Variants in LRRN2 observed in about 807,000 individuals in gnomAD.
LRRN2 encodes leucine rich repeat neuronal 2.
A neutral mutation model predicts 35.7 loss-of-function variants in LRRN2; 10 were observed. That is an observed-to-expected ratio of 0.28 (90% confidence interval 0.17 to 0.47). LRRN2 has a LOEUF of 0.47. Among genes scored for constraint, LRRN2 ranks in the 20% least tolerant of loss-of-function variants. LRRN2 has a pLI of 0.99. For synonymous variants in LRRN2, 391 were observed against 409.6 expected (o/e 0.95, Z 0.55); for missense variants, 731 against 940.3 (o/e 0.78, Z 2.91).
At chr1:204,635,609 C>T (rs893327471) in intron 1 of LRRN2, among the ~76,000 whole-genome samples, 3 of 152,218 alleles carry the variant, frequency 2.0e-5, no homozygotes, top group Non-Finnish European at 4.4e-5. Context: ...GCTGGTATCC[C>T]AAACCCGGCT....
At chr1:204,645,948 T>A (rs962398048) in intron 1 of LRRN2, among the ~76,000 whole-genome samples, 27 of 152,244 alleles carry the variant, frequency 1.8e-4, no homozygotes, top group African/African-American at 6.3e-4. Context: ...AAGGTGATAT[T>A]TGGGTGGGGA....
At chr1:204,655,435 G>A (rs1668326643) in intron 1 of LRRN2, among the ~76,000 whole-genome samples, 2 of 151,474 alleles carry the variant, frequency 1.3e-5, no homozygotes, top group Admixed American at 6.6e-5. Context: ...CTACTGGCAT[G>A]TGCCACCATG....
chr1:204,683,705 T>C (rs1486838934), intron 1 of LRRN2, among the ~76,000 whole-genome samples: 1 of 152,130 alleles, frequency 6.6e-6, no homozygotes, highest in Non-Finnish European at 1.5e-5. Context: ...CTGAGGCCTT[T>C]AGTTCCATGC....
chr1:204,621,312 G>A (rs192225201), intron 1 of LRRN2: 8 of 167,318 alleles, frequency 4.8e-5, no homozygotes, highest in East Asian at 3.9e-4. Flanking sequence ...TGAGGTTACC[G>A]TGACATGCCA....
chr1:204,642,569 TC>T (rs1668005847), intron 1 of LRRN2, among the ~76,000 whole-genome samples: 1 of 152,000 alleles, frequency 6.6e-6, no homozygotes, highest in Non-Finnish European at 1.5e-5. Context: ...TTTCAAACAG[TC>T]CCCAATCCAC....
intron 1 of LRRN2, among the ~76,000 whole-genome samples, chr1:204,647,006 GC>G (rs935610598): frequency 1.4e-4 from 22 of 152,194 alleles, no homozygotes; most frequent in African/African-American, 5.1e-4. Context: ...CAACCCAGAA[GC>G]TTTTACCCAC....
chr1:204,670,738 A>C (rs1382186181), intron 1 of LRRN2, among the ~76,000 whole-genome samples: 4 of 151,754 alleles, frequency 2.6e-5, no homozygotes, highest in African/African-American at 9.7e-5. Context: ...CAAAAAAAAA[A>C]ATGAGTGGAA....
At chr1:204,636,478 G>A (rs553803841) in intron 1 of LRRN2, among the ~76,000 whole-genome samples, 58 of 152,278 alleles carry the variant, frequency 3.8e-4, no homozygotes, top group Middle Eastern at 3.4e-3. Context: ...GCTCGTGCCC[G>A]TAATCCCAAT....
intron 1 of LRRN2, among the ~76,000 whole-genome samples, chr1:204,637,501 A>G (rs1186089678): frequency 6.6e-6 from 1 of 152,208 alleles, no homozygotes; most frequent in Non-Finnish European, 1.5e-5. Context: ...CTGTGCCTGG[A>G]GTCCACTGTC....
intron 1 of LRRN2, among the ~76,000 whole-genome samples, chr1:204,674,674 G>A (rs1219507754): frequency 6.6e-6 from 1 of 152,222 alleles, no homozygotes; most frequent in African/African-American, 2.4e-5. Context: ...GGGCCAGTGG[G>A]CTGGGTCCTC....
intron 1 of LRRN2, among the ~76,000 whole-genome samples, chr1:204,651,870 G>C (rs569232172): frequency 1.3e-5 from 2 of 152,272 alleles, no homozygotes; most frequent in South Asian, 4.1e-4. Flanking sequence ...TCCTGCTGTA[G>C]GGCCTAAGAA....
intron 1 of LRRN2, among the ~76,000 whole-genome samples, chr1:204,653,804 G>T (rs113373278): frequency 6.6e-6 from 1 of 150,936 alleles, no homozygotes; most frequent in East Asian, 2.0e-4. Flanking sequence ...CAAGGCTACA[G>T]TGAGTTAGGG....
At chr1:204,625,713 A>G (rs902522934) in intron 1 of LRRN2, among the ~76,000 whole-genome samples, 1 of 152,146 alleles carries the variant, frequency 6.6e-6, no homozygotes, top group Non-Finnish European at 1.5e-5. Context: ...TTCCATGACA[A>G]GTTGGGACCA....
chr1:204,650,126 G>A (rs922153618), intron 1 of LRRN2, among the ~76,000 whole-genome samples: 2 of 152,226 alleles, frequency 1.3e-5, no homozygotes, highest in African/African-American at 4.8e-5. Flanking sequence ...CTCAGCCTCT[G>A]ATGCAAGGGG....
intron 1 of LRRN2, among the ~76,000 whole-genome samples, chr1:204,671,403 T>TTGTGTGTGTGTGTGTGTGTGTG (rs60084787): frequency 8.1e-6 from 1 of 122,880 alleles, no homozygotes; most frequent in African/African-American, 3.0e-5. Flanking sequence ...GTTTGTGTGT[T>TTGTGTGTGTGTGTGTGTGTGTG]TGTGTGTGTG....
intron 1 of LRRN2, among the ~76,000 whole-genome samples, chr1:204,669,303 A>C (rs1668657594): frequency 6.6e-6 from 1 of 152,216 alleles, no homozygotes; most frequent in Non-Finnish European, 1.5e-5. Context: ...ACACACAAGG[A>C]ATAGCTTTCC....
At chr1:204,648,629 C>A (rs56226454) in intron 1 of LRRN2, among the ~76,000 whole-genome samples, 12 of 152,332 alleles carry the variant, frequency 7.9e-5, no homozygotes, top group Non-Finnish European at 1.5e-4. Flanking sequence ...CTCGCCCCCC[C>A]ACCCAACCTA....
intron 1 of LRRN2, among the ~76,000 whole-genome samples, chr1:204,680,261 C>T (rs943390916): frequency 6.6e-6 from 1 of 152,184 alleles, no homozygotes; most frequent in Non-Finnish European, 1.5e-5. Context: ...GCCTGGCACA[C>T]AGTAAATGCT....
At chr1:204,647,667 C>G (rs1668138764) in intron 1 of LRRN2, among the ~76,000 whole-genome samples, 1 of 152,148 alleles carries the variant, frequency 6.6e-6, no homozygotes. Context: ...GAAAGAGAAG[C>G]AAAGCCCAGA....
Sources: allele counts gnomAD v4.1 joint callset (sites outside exome capture counted in the v4.1 genomes callset), GRCh38; gene constraint gnomAD v4.1.1; transcripts MANE v1.5; gene names NCBI Gene and HGNC (gene_info 2026-07-23, HGNC 2026-07-21).